The following MYL4 variants were observed in gnomAD, a reference collection of about 807,000 sequenced individuals.
MYL4 encodes atrial myosin light chain 1.
MYL4 carries 16 observed loss-of-function variants against 21.6 expected under a neutral mutation model. That is an observed-to-expected ratio of 0.74 (90% CI 0.50 to 1.12). The LOEUF is 1.12. MYL4 is among the 50% of genes most tolerant of loss of function. The pLI, the probability that MYL4 is intolerant of heterozygous loss-of-function variation, is 0.00. For synonymous variants in MYL4, 82 were observed against 95.7 expected (o/e 0.86, Z 0.83); for missense variants, 249 against 252.9 (o/e 0.98, Z 0.11).
chr17:47,224,477 C>T (rs532940805), downstream of MYL4, among the ~76,000 whole-genome samples: 21 of 152,272 alleles, frequency 1.4e-4, 1 homozygote, highest in South Asian at 4.2e-3. Context: ...TAATGAATCT[C>T]CAGAACCTTT....
At chr17:47,202,135 G>A (rs1469891158) in intron 1 of MYL4, among the ~76,000 whole-genome samples, 1 of 152,054 alleles carries the variant, frequency 6.6e-6, no homozygotes, top group African/African-American at 2.4e-5. Context: ...ACAGGCACGT[G>A]CCACCACGCC....
the MYL4 span, among the ~76,000 whole-genome samples, chr17:47,190,339 T>C: frequency 6.6e-6 from 1 of 152,228 alleles, no homozygotes; most frequent in Non-Finnish European, 1.5e-5. Context: ...TGGCCGTGTC[T>C]AGCATGCAAT....
the MYL4 span, among the ~76,000 whole-genome samples, chr17:47,191,969 G>C: frequency 1.2e-4 from 18 of 152,320 alleles, no homozygotes; most frequent in African/African-American, 3.9e-4. Context: ...TATGGATCTA[G>C]AGTCAGCATT....
chr17:47,204,825 A>T (rs1259908127), upstream of MYL4, among the ~76,000 whole-genome samples: 2 of 152,150 alleles, frequency 1.3e-5, no homozygotes, highest in Non-Finnish European at 2.9e-5. Context: ...CCTTGCAGTG[A>T]AACCCAAATT....
At chr17:47,220,715 G>A (rs1031339710) in intron 3 of MYL4, among the ~76,000 whole-genome samples, 3 of 152,112 alleles carry the variant, frequency 2.0e-5, no homozygotes, top group Non-Finnish European at 2.9e-5. Flanking sequence ...CAATCATTAC[G>A]GCAGATGAGA....
upstream of MYL4, among the ~76,000 whole-genome samples, chr17:47,205,735 T>C (rs73327177): frequency 0.016 from 2,462 of 152,318 alleles, 54 homozygotes; most frequent in African/African-American, 0.056. Context: ...ATGCCTTCTC[T>C]GAGTGTTCTC....
chr17:47,217,211 C>T (rs1279314159), intron 2 of MYL4, among the ~76,000 whole-genome samples: 1 of 152,040 alleles, frequency 6.6e-6, no homozygotes, highest in Non-Finnish European at 1.5e-5. Flanking sequence ...AATCTCAGCA[C>T]TTTGGGAGGC....
At chr17:47,220,569 A>G (rs572549461) in intron 3 of MYL4, among the ~76,000 whole-genome samples, 1 of 152,292 alleles carries the variant, frequency 6.6e-6, no homozygotes, top group South Asian at 2.1e-4. Context: ...TCTTTCATTC[A>G]TTTGCATTTC....
At chr17:47,216,321 T>G (rs1340544318) in intron 2 of MYL4, among the ~76,000 whole-genome samples, 7 of 151,900 alleles carry the variant, frequency 4.6e-5, no homozygotes, top group African/African-American at 1.7e-4. Context: ...TTTTTTTTTT[T>G]TTCTAGTTGT....
chr17:47,204,469 C>T (rs116466643), upstream of MYL4, among the ~76,000 whole-genome samples: 379 of 152,336 alleles, frequency 2.5e-3, 2 homozygotes, highest in African/African-American at 8.8e-3. Flanking sequence ...TTGTGCTAGA[C>T]ACTTTATTCT....
intron 1 of MYL4, among the ~76,000 whole-genome samples, chr17:47,212,022 C>T (rs575138545): frequency 6.6e-6 from 1 of 152,110 alleles, no homozygotes; most frequent in South Asian, 2.1e-4. Context: ...GTCAGGAGTT[C>T]GAGGCCAGCC....
upstream of MYL4, among the ~76,000 whole-genome samples, chr17:47,205,872 C>T (rs1417286163): frequency 6.6e-6 from 1 of 152,258 alleles, no homozygotes; most frequent in African/African-American, 2.4e-5. Context: ...TTCCTCATTC[C>T]TAATCCCACA....
intron 1 of MYL4, among the ~76,000 whole-genome samples, chr17:47,211,137 G>A (rs1029139827): frequency 1.3e-5 from 2 of 151,934 alleles, no homozygotes; most frequent in Non-Finnish European, 2.9e-5. Flanking sequence ...CATCTTCATG[G>A]GGGTTGTTGA....
Position 47,209,523 on chromosome 17 carries a change from C to G in MYL4, c.101C>G (p.Pro34Arg). 1.2e-6 allele frequency: 2 copies of G among 1,614,210 alleles called. No homozygotes were observed. Among genetic ancestry groups the G allele is most frequent in the Non-Finnish European group, 1.7e-6 (2 of 1,180,016 alleles). The change falls in exon 1 of 7, where the codon CCC (proline) becomes CGC (arginine). Residue 34 changes from proline to arginine, a missense_variant. Transcript: ENST00000393450. The part of the protein sequence containing the change: ...APAPAPAPEA[P>R]KEPAFDPKSV... ...GCCCCTGCCCCAGCTCCTGAGGCTC[C>G]CAAGGAACCTGCCTTTGACCCCAAG...
intron 2 of MYL4, among the ~76,000 whole-genome samples, chr17:47,217,628 T>C (rs1268143545): frequency 6.6e-6 from 1 of 152,228 alleles, no homozygotes; most frequent in African/African-American, 2.4e-5. Context: ...GCAGCATTGT[T>C]TATGCATTTA....
At chr17:47,215,937 T>C (rs922997975) in intron 2 of MYL4, among the ~76,000 whole-genome samples, 1 of 152,096 alleles carries the variant, frequency 6.6e-6, no homozygotes, top group African/African-American at 2.4e-5. Context: ...ACTACAGGCA[T>C]GTACCATTGT....
chr17:47,216,647 C>T lies in MYL4; in HGVS notation c.163+2821C>T, dbSNP rs192245900. On this transcript the variant is annotated intron_variant, in intron 2 of 6. Coordinates refer to ENST00000393450, the MANE Select transcript of MYL4 (RefSeq NM_002476.2). Reference sequence around the variant, plus strand: ...TCATTGTTCTTATTACCTTCCTCTTCAGGTTTCACCCTCTTATTAAGCATC... The same window carrying T: ...TCATTGTTCTTATTACCTTCCTCTTTAGGTTTCACCCTCTTATTAAGCATC... Among the ~76,000 whole-genome samples the T allele has an allele frequency of 2.1e-4, 32 of 151,824 alleles. No homozygotes were observed. In the East Asian group the frequency reaches 6.0e-3, roughly 28 times the overall value.
rs374440892 is a variant in MYL4 at position 47,222,470 on chromosome 17, G to A, written c.565+13G>A. 108 of 1,613,774 alleles carry A rather than the reference G, an allele frequency of 6.7e-5. No homozygotes were observed. The highest frequency in any genetic ancestry group is 1.6e-4 in the Middle Eastern group (1 of 6,076). On this transcript the variant is annotated intron_variant, in intron 5 of 6. Coordinates refer to ENST00000393450, the MANE Select transcript of MYL4 (RefSeq NM_002476.2). ...ATCAATTATGAAGGTATTAAGCCGC[G>A]CCTTGCATCCCAGGGCAGCCAGGGA...
chr17:47,214,822 A>C (rs1029633468), intron 2 of MYL4, among the ~76,000 whole-genome samples: 1 of 152,204 alleles, frequency 6.6e-6, no homozygotes, highest in African/African-American at 2.4e-5. Context: ...CCTTTTATTA[A>C]ATATATACTT....
Sources: gnomAD v4.1 joint callset for allele counts (sites outside exome capture counted in the v4.1 genomes callset) on GRCh38, gnomAD v4.1.1 for gene constraint, MANE v1.5 for transcripts, NCBI Gene and HGNC (gene_info 2026-07-23, HGNC 2026-07-21) for gene names.